The following SCARA3 variants were observed in gnomAD, a reference collection of about 807,000 sequenced individuals.
SCARA3 encodes scavenger receptor class A member 3, also known as cellular stress response gene protein.
SCARA3 carries 39 observed loss-of-function variants against 47.0 expected under a neutral mutation model. That is an observed-to-expected ratio of 0.83 (90% CI 0.64 to 1.08). SCARA3 has a LOEUF of 1.08. Among genes scored for constraint, SCARA3 ranks in the 50% least tolerant of loss-of-function variants. SCARA3 has a pLI of 0.00. For missense variants in SCARA3, 724 were observed against 792.3 expected (o/e 0.91, Z 1.04); for synonymous variants, 356 against 334.1 (o/e 1.07, Z -0.71).
At chr8:27,648,751 G>T (rs1462802446) in intron 1 of SCARA3, among the ~76,000 whole-genome samples, 1 of 151,794 alleles carries the variant, frequency 6.6e-6, no homozygotes, top group Non-Finnish European at 1.5e-5. Context: ...AGAAAGCAGG[G>T]AATCCTTAAG....
the SCARA3 span, among the ~76,000 whole-genome samples, chr8:27,681,802 C>T: frequency 2.0e-5 from 3 of 152,014 alleles, no homozygotes; most frequent in South Asian, 2.1e-4. Flanking sequence ...GACTAAATGG[C>T]GATATATACC....
Position 27,645,004 on chromosome 8 carries a change from G to A in SCARA3, c.8-4698G>A, listed in dbSNP as rs35208297. On this transcript the variant is annotated intron_variant, in intron 1 of 5. Transcript: ENST00000301904. The stretch of plus-strand genomic sequence containing the variant: ...TTGTTCTGTTCTGCGAAGGGGAGGG[G>A]AAGTAGAGCCAACATTTTGCTCCTA... Among the ~76,000 whole-genome samples, 235 of 152,308 alleles carry A rather than the reference G, an allele frequency of 1.5e-3. 6 individuals carry two copies. In the East Asian group the frequency reaches 0.023, roughly 15 times the overall value.
the SCARA3 span, among the ~76,000 whole-genome samples, chr8:27,700,075 A>T: frequency 6.6e-6 from 1 of 152,194 alleles, no homozygotes; most frequent in Non-Finnish European, 1.5e-5. Context: ...AAAACTTCTT[A>T]AAAAATACAT....
At chr8:27,687,960 G>A in the SCARA3 span, among the ~76,000 whole-genome samples, 2 of 152,164 alleles carry the variant, frequency 1.3e-5, no homozygotes, top group African/African-American at 4.8e-5. Flanking sequence ...AGGTTGCAGT[G>A]AGCTGAGATC....
chr8:27,694,084 G>A, the SCARA3 span, among the ~76,000 whole-genome samples: 8 of 152,308 alleles, frequency 5.3e-5, no homozygotes, highest in Non-Finnish European at 1.2e-4. Flanking sequence ...ACTGAGACCT[G>A]TCTCAGATAT....
the SCARA3 span, among the ~76,000 whole-genome samples, chr8:27,730,835 G>A: frequency 6.6e-6 from 1 of 151,806 alleles, no homozygotes; most frequent in South Asian, 2.1e-4. Context: ...CCCAAGCAGG[G>A]GAACTGGAAA....
intron 1 of SCARA3, among the ~76,000 whole-genome samples, chr8:27,637,144 C>T (rs976101452): frequency 2.0e-5 from 3 of 152,350 alleles, no homozygotes; most frequent in Non-Finnish European, 2.9e-5. Context: ...CCCAGCCCAC[C>T]GGTGGCCGAG....
chr8:27,689,234 G>A, the SCARA3 span, among the ~76,000 whole-genome samples: 1 of 152,190 alleles, frequency 6.6e-6, no homozygotes, highest in Admixed American at 6.5e-5. Flanking sequence ...CACTCTCTGG[G>A]TCCAGGGTCT....
intron 1 of SCARA3, among the ~76,000 whole-genome samples, chr8:27,638,452 A>G (rs4732734): frequency 0.1 from 15,889 of 151,978 alleles, 1,016 homozygotes; most frequent in East Asian, 0.29. Flanking sequence ...ATCCAGGTGG[A>G]CCAGATGATC....
chr8:27,671,651 C>A lies in SCARA3; in HGVS notation c.*300C>A. Reference sequence around the variant, plus strand: ...ACAGGCATACATGCATGCACACACACATGCACGCACACACACATGCACACA... The same window carrying A: ...ACAGGCATACATGCATGCACACACAAATGCACGCACACACACATGCACACA... On this transcript the variant is annotated 3_prime_UTR_variant, in exon 6 of 6. Transcript: ENST00000301904. 5.3e-6 allele frequency: 6 copies of A among 1,123,638 alleles called. No homozygotes were observed. The highest frequency in any genetic ancestry group is 6.6e-6 in the Non-Finnish European group (6 of 914,988). The allele number at this position is 1,123,638 out of a possible 1,614,324, so 69.6% of individuals were successfully genotyped here.
the SCARA3 span, among the ~76,000 whole-genome samples, chr8:27,715,883 A>T: frequency 3.9e-5 from 5 of 128,684 alleles, no homozygotes; most frequent in East Asian, 5.0e-4. The surrounding 1 kb of genome is among the most constrained non-coding windows in gnomAD (Gnocchi z 4.2). Context: ...GATAGATAGA[A>T]AGAAACATAG....
chr8:27,658,253 G>A (rs1020338993), intron 4 of SCARA3, among the ~76,000 whole-genome samples: 7 of 152,162 alleles, frequency 4.6e-5, no homozygotes, highest in African/African-American at 1.7e-4. Context: ...AGAATTTGGT[G>A]GTGAGAAGGA....
At chr8:27,644,027 C>A (rs1801439680) in intron 1 of SCARA3, among the ~76,000 whole-genome samples, 1 of 152,060 alleles carries the variant, frequency 6.6e-6, no homozygotes, top group Admixed American at 6.5e-5. Flanking sequence ...TGTGCCAAGG[C>A]ATGCACCCTC....
chr8:27,634,256 C>G lies in SCARA3; in HGVS notation c.7+49C>G, dbSNP rs1801198634. On this transcript the variant is annotated intron_variant, in intron 1 of 5. Coordinates refer to ENST00000301904, the MANE Select transcript of SCARA3 (RefSeq NM_016240.3). ...GCTCCGAGGGGGGCCGCCTGCACCC[C>G]CGCTCCACCCAGGGCCTGGGGGGCG... is the stretch of plus-strand genomic sequence containing the variant. The G allele has an allele frequency of 3.0e-6, 4 of 1,314,410 alleles. No individual in the cohort carries two copies. In the South Asian group the frequency reaches 1.0e-4, roughly 33 times the overall value. The allele number at this position is 1,314,410 out of a possible 1,614,324, so 81.4% of individuals were successfully genotyped here.
rs138860293 is a variant in SCARA3, at chr8:27,636,557, C to T, written c.7+2350C>T. ...GCCTGAGGAGGACCCGCTGACACCACGTTGCAGGGTTCCAGGCTCTCCTTG... is the reference window on the plus strand; with the variant it reads ...GCCTGAGGAGGACCCGCTGACACCATGTTGCAGGGTTCCAGGCTCTCCTTG... On this transcript the variant is annotated intron_variant, in intron 1 of 5. Coordinates refer to ENST00000301904, the MANE Select transcript of SCARA3 (RefSeq NM_016240.3). Among the ~76,000 whole-genome samples the T allele has an allele frequency of 7.2e-4, 110 of 152,306 alleles. 1 individual carries two copies. Among genetic ancestry groups the T allele is most frequent in the African/African-American group, 2.5e-3 (105 of 41,546 alleles).
At chr8:27,698,956 C>T in the SCARA3 span, among the ~76,000 whole-genome samples, 4 of 151,916 alleles carry the variant, frequency 2.6e-5, no homozygotes, top group South Asian at 2.1e-4. Context: ...ATTAATAAGA[C>T]GTTCATGGCT....
chr8:27,715,408 G>C, the SCARA3 span, among the ~76,000 whole-genome samples: 1 of 152,160 alleles, frequency 6.6e-6, no homozygotes, highest in East Asian at 1.9e-4. The surrounding 1 kb of genome is among the most constrained non-coding windows in gnomAD (Gnocchi z 4.2). Flanking sequence ...CACCCTACCA[G>C]GGCTCTGATA....
At chr8:27,681,302 A>G (rs1802350591), downstream of SCARA3, among the ~76,000 whole-genome samples, 1 of 150,054 alleles carries the variant, frequency 6.7e-6, no homozygotes, top group South Asian at 2.1e-4. Flanking sequence ...TCAATATACA[A>G]AAGTCAATTG....
intron 1 of SCARA3, among the ~76,000 whole-genome samples, chr8:27,643,900 G>A (rs1404079674): frequency 6.6e-6 from 1 of 152,146 alleles, no homozygotes; most frequent in Admixed American, 6.5e-5. Context: ...AAGAAAGCCG[G>A]CATTGGTGAC....
Sources: allele counts gnomAD v4.1 joint callset (sites outside exome capture counted in the v4.1 genomes callset), GRCh38; gene constraint gnomAD v4.1.1; non-coding constraint Gnocchi (gnomAD v3.1); transcripts MANE v1.5; gene names NCBI Gene and HGNC (gene_info 2026-07-23, HGNC 2026-07-21).